The following DPP10 variants were observed in gnomAD, a reference collection of about 807,000 sequenced individuals.
The protein encoded by DPP10 is dipeptidyl peptidase like 10.
In DPP10, 33 loss-of-function variants were observed where a neutral mutation model predicts 120.9. The observed-to-expected ratio is 0.27, with a 90% CI of 0.21 to 0.37. DPP10 has a LOEUF of 0.37. Ranked by LOEUF, DPP10 falls within the 10% of genes least tolerant of loss-of-function variation. The pLI is 1.00. For synonymous variants in DPP10, 337 were observed against 326.1 expected, an observed-to-expected ratio of 1.03 and a Z score of -0.36; for missense variants, 816 against 942.8, an observed-to-expected ratio of 0.87 and a Z score of 1.76.
intron 3 of DPP10, among the ~76,000 whole-genome samples, chr2:115,475,828 T>C (rs2075041430): frequency 6.6e-6 from 1 of 152,218 alleles, no homozygotes; most frequent in Non-Finnish European, 1.5e-5. Context: ...ACTGCTTTTC[T>C]GGGTTTCAGA....
intron 19 of DPP10, among the ~76,000 whole-genome samples, chr2:115,806,679 G>A (rs935134249): frequency 2.0e-5 from 3 of 152,066 alleles, no homozygotes; most frequent in Non-Finnish European, 2.9e-5. Context: ...CCTTCGATAT[G>A]TAGCCTATAT....
chr2:115,212,584 A>G (rs1239570126), intron 1 of DPP10, among the ~76,000 whole-genome samples: 1 of 152,070 alleles, frequency 6.6e-6, no homozygotes, highest in Non-Finnish European at 1.5e-5. Context: ...ATGGTCATCT[A>G]TGGAATGAGA....
intron 1 of DPP10, among the ~76,000 whole-genome samples, chr2:114,810,292 G>A (rs540385076): frequency 3.9e-5 from 6 of 152,228 alleles, no homozygotes; most frequent in South Asian, 2.1e-4. Context: ...AAACACCTAC[G>A]TCAGCTCTTT....
At chr2:115,559,665 T>C (rs2149039823) in intron 5 of DPP10, among the ~76,000 whole-genome samples, 1 of 152,268 alleles carries the variant, frequency 6.6e-6, no homozygotes, top group East Asian at 1.9e-4. Flanking sequence ...TTTTCATAAC[T>C]GTGTGAATCA....
At chr2:115,644,314 C>T (rs529135196) in intron 5 of DPP10, among the ~76,000 whole-genome samples, 307 of 152,262 alleles carry the variant, frequency 2.0e-3, no homozygotes, top group Admixed American at 3.9e-3. Flanking sequence ...CCTCCCCCCT[C>T]CGCCCACTCC....
chr2:114,942,010 A>G (rs1275257236), intron 1 of DPP10, among the ~76,000 whole-genome samples: 1 of 151,988 alleles, frequency 6.6e-6, no homozygotes, highest in Non-Finnish European at 1.5e-5. Context: ...GCGGTGGCTC[A>G]TGCCTGTAAT....
At chr2:114,503,343 C>T (rs1683361195) in intron 1 of DPP10, among the ~76,000 whole-genome samples, 1 of 152,102 alleles carries the variant, frequency 6.6e-6, no homozygotes, top group Admixed American at 6.5e-5. Context: ...ATTTGGTCTT[C>T]AATATCTAAT....
At chr2:115,018,963 C>A (rs778780162) in intron 1 of DPP10, among the ~76,000 whole-genome samples, 10 of 152,002 alleles carry the variant, frequency 6.6e-5, no homozygotes, top group Non-Finnish European at 7.4e-5. Context: ...TAGTTACCAT[C>A]ACTCCCGGGG....
intron 1 of DPP10, among the ~76,000 whole-genome samples, chr2:115,151,548 C>G (rs1268716529): frequency 1.3e-5 from 2 of 151,548 alleles, no homozygotes; most frequent in Admixed American, 6.6e-5. Flanking sequence ...GCTGGGATTA[C>G]AGGCACCTAC....
At chr2:114,512,142 G>C (rs1019078645) in intron 1 of DPP10, among the ~76,000 whole-genome samples, 3 of 152,182 alleles carry the variant, frequency 2.0e-5, no homozygotes, top group African/African-American at 7.2e-5. Flanking sequence ...GGCTGCTCTT[G>C]ACTTTCGTAC....
At chr2:114,740,101 C>G (rs952097225) in intron 1 of DPP10, among the ~76,000 whole-genome samples, 8 of 151,042 alleles carry the variant, frequency 5.3e-5, no homozygotes, top group African/African-American at 2.0e-4. Flanking sequence ...AGACTTGGAA[C>G]CAACCCAAAT....
chr2:114,875,460 T>G (rs1174829856), intron 1 of DPP10, among the ~76,000 whole-genome samples: 1 of 152,164 alleles, frequency 6.6e-6, no homozygotes. Flanking sequence ...TGGCTCTGAC[T>G]TGGAATAAAT....
intron 3 of DPP10, among the ~76,000 whole-genome samples, chr2:115,383,821 C>T (rs1271472734): frequency 6.6e-6 from 1 of 152,116 alleles, no homozygotes; most frequent in Non-Finnish European, 1.5e-5. Flanking sequence ...CTTGTTCCAA[C>T]ATTTGATTCT....
At chr2:115,751,259 A>G (rs1678672593) in intron 10 of DPP10, among the ~76,000 whole-genome samples, 2 of 152,258 alleles carry the variant, frequency 1.3e-5, no homozygotes, top group South Asian at 4.1e-4. Flanking sequence ...TTAATACTTC[A>G]TTTTCTACTT....
intron 1 of DPP10, among the ~76,000 whole-genome samples, chr2:115,277,447 CTTTTTTTTT>C (rs70941038): frequency 8.0e-5 from 4 of 49,778 alleles, no homozygotes; most frequent in African/African-American, 3.1e-4. Flanking sequence ...CTGCCAGGGC[CTTTTTTTTT>C]TTTTTTTTTT....
intron 1 of DPP10, among the ~76,000 whole-genome samples, chr2:115,110,329 T>G (rs1376547703): frequency 6.6e-6 from 1 of 152,160 alleles, no homozygotes; most frequent in African/African-American, 2.4e-5. Flanking sequence ...CGTGTTTTAG[T>G]TTTCTTATCT....
chr2:115,315,261 A>G (rs913511221), intron 2 of DPP10, among the ~76,000 whole-genome samples: 2 of 151,578 alleles, frequency 1.3e-5, no homozygotes, highest in Non-Finnish European at 2.9e-5. Flanking sequence ...ACACACACAC[A>G]TGCACACACA....
intron 1 of DPP10, among the ~76,000 whole-genome samples, chr2:114,779,643 A>C (rs1682096588): frequency 6.6e-6 from 1 of 152,132 alleles, no homozygotes; most frequent in South Asian, 2.1e-4. Context: ...TGGTCTGTTC[A>C]TGACCAGCCC....
chr2:115,613,563 A>T (rs1336960122), intron 5 of DPP10, among the ~76,000 whole-genome samples: 1 of 152,156 alleles, frequency 6.6e-6, no homozygotes, highest in Non-Finnish European at 1.5e-5. Flanking sequence ...CCCTGCATAT[A>T]GCAGAGTCAT....
Sources: allele counts gnomAD v4.1 joint callset (sites outside exome capture counted in the v4.1 genomes callset), GRCh38; gene constraint gnomAD v4.1.1; transcripts MANE v1.5; gene names NCBI Gene and HGNC (gene_info 2026-07-23, HGNC 2026-07-21).